GALNS: variants seen among roughly 807,000 people sequenced by gnomAD.
GALNS encodes the protein galactosamine (N-acetyl)-6-sulfatase, also known as N-acetylgalactosamine-6-sulfatase.
A neutral mutation model predicts 65.9 loss-of-function variants in GALNS; 65 were observed. The ratio of observed to expected loss-of-function variants is 0.99; its 90% CI spans 0.81 to 1.21. The LOEUF is 1.21. Among genes scored for constraint, GALNS ranks in the 50% most tolerant of loss-of-function variants. The probability of loss-of-function intolerance (pLI) is 0.00; values close to 1 mark genes in which losing one functional copy is unlikely to be tolerated. For synonymous variants in GALNS, 346 were observed against 288.9 expected, an observed-to-expected ratio of 1.20 and a Z score of -2.00; for missense variants, 776 against 700.7, an observed-to-expected ratio of 1.11 and a Z score of -1.21.
intron 1 of GALNS, chr16:88,856,247 G>A (rs1445453330): frequency 2.8e-6 from 2 of 703,040 alleles, no homozygotes; most frequent in South Asian, 3.0e-5. Flanking sequence ...CAGCCGTCAG[G>A]TAAGACTGGA....
chr16:88,838,355 G>A (rs895205873), intron 4 of GALNS, among the ~76,000 whole-genome samples: 9 of 152,156 alleles, frequency 5.9e-5, no homozygotes, highest in Admixed American at 3.3e-4. Flanking sequence ...CAGGACCCTG[G>A]CAGAGGCAGG....
At chr16:88,830,231 A>C (rs1911350548) in intron 9 of GALNS, among the ~76,000 whole-genome samples, 1 of 122,912 alleles carries the variant, frequency 8.1e-6, no homozygotes, top group South Asian at 2.6e-4. Flanking sequence ...ACTTCATCTC[A>C]AAAAAAAAAA....
intron 1 of GALNS, among the ~76,000 whole-genome samples, chr16:88,854,704 T>G (rs1664006447): frequency 6.6e-6 from 1 of 151,984 alleles, no homozygotes; most frequent in African/African-American, 2.4e-5. Flanking sequence ...ACAGGCTGAG[T>G]GAGGATGTGG....
At chr16:88,817,117 A>G (rs976483275) in intron 13 of GALNS, 2 of 985,442 alleles carry the variant, frequency 2.0e-6, no homozygotes, top group Non-Finnish European at 2.4e-6. Context: ...GTGCTGGGAA[A>G]CAGGCCTTTG....
chr16:88,855,979 G>C (rs1967831019), intron 1 of GALNS: 4 of 591,554 alleles, frequency 6.8e-6, no homozygotes, highest in African/African-American at 1.9e-5. Context: ...TGAGGTTCAA[G>C]AATGGAAGTG....
At chr16:88,848,887 A>C (rs1198402183) in intron 1 of GALNS, among the ~76,000 whole-genome samples, 1 of 152,198 alleles carries the variant, frequency 6.6e-6, no homozygotes, top group Non-Finnish European at 1.5e-5. Flanking sequence ...CTGCGTGGTC[A>C]CACCTTGGTC....
In GALNS at chr16:88,816,049, C is replaced by G. The variant is rs182411365; in HGVS notation, c.1483-1524G>C. The G allele has an allele frequency of 9.0e-3, 8,850 of 985,440 alleles. 41 individuals are homozygous for G. Among genetic ancestry groups the G allele is most frequent in the Non-Finnish European group, 0.01 (8,375 of 829,920 alleles). 61.0% of individuals were successfully genotyped at this position (985,440 alleles called of 1,614,324 possible). On this transcript the variant is annotated intron_variant, in intron 13 of 13. Transcript: ENST00000268695. ...AGGCTTCACACGCGTGTCTGTGCAT[C>G]TCCCCCATGGCTCTGCTCACGGTGG...
At chr16:88,827,876 C>A (rs1040807022) in intron 9 of GALNS, among the ~76,000 whole-genome samples, 3 of 152,240 alleles carry the variant, frequency 2.0e-5, no homozygotes, top group East Asian at 1.9e-4. Flanking sequence ...CGCTGCCAGG[C>A]CCTGGAGCTC....
At chr16:88,853,517 G>A (rs1207957126) in intron 1 of GALNS, among the ~76,000 whole-genome samples, 2 of 152,142 alleles carry the variant, frequency 1.3e-5, no homozygotes, top group African/African-American at 2.4e-5. Flanking sequence ...TGGCCTGGGT[G>A]GCCCTGACTC....
At chr16:88,829,308 G>A (rs1277924388) in intron 9 of GALNS, among the ~76,000 whole-genome samples, 1 of 152,212 alleles carries the variant, frequency 6.6e-6, no homozygotes, top group African/African-American at 2.4e-5. Context: ...GGGGAGTGGA[G>A]GGGGCGGCAC....
At chr16:88,855,002 T>G in intron 1 of GALNS, 6 of 322,542 alleles carry the variant, frequency 1.9e-5, no homozygotes, top group Non-Finnish European at 3.0e-5. Flanking sequence ...TGTGCCCCGG[T>G]GGCCACACCC....
At chr16:88,846,815 T>C (rs1967267836) in intron 1 of GALNS, among the ~76,000 whole-genome samples, 1 of 152,100 alleles carries the variant, frequency 6.6e-6, no homozygotes, top group East Asian at 1.9e-4. Flanking sequence ...AGTGCTGGGA[T>C]TACAGGTGTG....
intron 13 of GALNS, chr16:88,815,852 A>AGT (rs1427520759): frequency 1.0e-6 from 1 of 984,950 alleles, no homozygotes; most frequent in African/African-American, 1.8e-5. Flanking sequence ...GGTGTGTTTG[A>AGT]GTCTGGATGG....
chr16:88,828,620 G>A (rs1911167829), intron 9 of GALNS, among the ~76,000 whole-genome samples: 1 of 152,238 alleles, frequency 6.6e-6, no homozygotes, highest in African/African-American at 2.4e-5. Flanking sequence ...CTGGGAAGAG[G>A]GTTTCCCTTC....
chr16:88,816,523 C>A (rs895262418), intron 13 of GALNS: 1 of 232,032 alleles, frequency 4.3e-6, no homozygotes, highest in Non-Finnish European at 6.7e-6. Context: ...ACCCCCGCCC[C>A]CCGCCCCCCA....
intron 8 of GALNS, among the ~76,000 whole-genome samples, chr16:88,834,765 TG>T (rs1402776429): frequency 6.6e-6 from 1 of 151,980 alleles, no homozygotes; most frequent in African/African-American, 2.4e-5. Flanking sequence ...AGGGCTGTGG[TG>T]GGGGCAGGAG....
At chr16:88,825,510 CT>C (rs1198540747) in intron 10 of GALNS, among the ~76,000 whole-genome samples, 5 of 112,772 alleles carry the variant, frequency 4.4e-5, no homozygotes, top group Non-Finnish European at 9.2e-5. Context: ...GCCTGGATGT[CT>C]GGGGCTGGGG....
In GALNS at chr16:88,815,431, T is replaced by C. The variant is rs1013296272; in HGVS notation, c.1483-906A>G. The C allele has an allele frequency of 1.6e-5, 16 of 985,468 alleles. No individual in the cohort carries two copies. In the African/African-American group the frequency reaches 1.9e-4, roughly 12 times the overall value. 61.0% of individuals were successfully genotyped at this position (985,468 alleles called of 1,614,324 possible). A position where few individuals can be genotyped will look rare whatever the true frequency, so the allele number is the denominator to read the frequency against. On this transcript the variant is annotated intron_variant, in intron 13 of 13. Coordinates refer to ENST00000268695, the MANE Select transcript of GALNS (RefSeq NM_000512.5). ...TACTGCGCTGCTGGGCTCAGTTCAG[T>C]GCGGTGCTGAGCGGAGCCCGCACCC...
rs190966511 is a variant in GALNS, at chr16:88,841,138, G to A, written c.320-44C>T. 4.4e-4 allele frequency: 655 copies of A among 1,481,696 alleles called. 6 individuals carry two copies. In the African/African-American group the frequency reaches 7.2e-3, roughly 16 times the overall value. 91.8% of individuals were successfully genotyped at this position (1,481,696 alleles called of 1,614,324 possible). A position where few individuals can be genotyped will look rare whatever the true frequency, so the allele number is the denominator to read the frequency against. ...GTGAGCCCCGAGGAGACCCCGAGAA[G>A]CTGCCACCAACCCCATCCTAACAGG... On this transcript the variant is annotated intron_variant, in intron 3 of 13. Coordinates refer to ENST00000268695, the MANE Select transcript of GALNS (RefSeq NM_000512.5).
Sources: gnomAD v4.1 joint callset for allele counts (sites outside exome capture counted in the v4.1 genomes callset) on GRCh38, gnomAD v4.1.1 for gene constraint, MANE v1.5 for transcripts, NCBI Gene and HGNC (gene_info 2026-07-23, HGNC 2026-07-21) for gene names.